Variants in ADCY10 observed in about 807,000 individuals in gnomAD.
The protein encoded by ADCY10 is adenylate cyclase type 10.
In ADCY10, 156 loss-of-function variants were observed where a neutral mutation model predicts 183.3. The observed-to-expected ratio is 0.85, with a 90% CI of 0.75 to 0.97. The LOEUF (loss-of-function observed/expected upper bound fraction) is 0.97, where lower values mean the gene tolerates loss of function less well. Ranked by LOEUF, ADCY10 falls within the 50% of genes least tolerant of loss-of-function variation. The probability of loss-of-function intolerance (pLI) is 0.00; values close to 1 mark genes in which losing one functional copy is unlikely to be tolerated. For missense variants in ADCY10, 1,745 were observed against 1,934.3 expected, an observed-to-expected ratio of 0.90 and a Z score of 1.84; for synonymous variants, 645 against 670.0, an observed-to-expected ratio of 0.96 and a Z score of 0.58.
chr1:167,886,025 C>T (rs1042125870), intron 8 of ADCY10, among the ~76,000 whole-genome samples: 3 of 152,068 alleles, frequency 2.0e-5, no homozygotes, highest in African/African-American at 4.8e-5. Flanking sequence ...GAACTACAAA[C>T]CACTGCTCAA....
intron 21 of ADCY10, among the ~76,000 whole-genome samples, chr1:167,841,017 T>C (rs972782244): frequency 6.6e-6 from 1 of 151,442 alleles, no homozygotes; most frequent in Non-Finnish European, 1.5e-5. Context: ...CATAGCTCAC[T>C]GCAGCCTCAA....
Position 167,845,546 on chromosome 1 carries a change from A to G in ADCY10, c.3007+17T>C. ...TCCCAAGAACAGTTAGGATAATTTT[A>G]AAATGAAGTAGGTTACTTTTAAATC... On this transcript the variant is annotated intron_variant, in intron 21 of 32. Transcript: ENST00000367851. 1 of 1,613,284 alleles carries G rather than the reference A, an allele frequency of 6.2e-7. No homozygotes were observed. Among genetic ancestry groups the G allele is most frequent in the Non-Finnish European group, 8.5e-7 (1 of 1,179,240 alleles).
At chr1:167,874,771 C>G (rs905452771) in intron 13 of ADCY10, among the ~76,000 whole-genome samples, 2 of 152,080 alleles carry the variant, frequency 1.3e-5, no homozygotes, top group African/African-American at 4.8e-5. Context: ...AAATGGAATA[C>G]TACATAGTAA....
rs763822736 is a variant in ADCY10 at position 167,846,176 on chromosome 1, G to C, written c.2525C>G (p.Thr842Ser). Residue 842 changes from threonine (T) to serine (S), a missense_variant, in exon 20 of 33, where the codon ACT becomes AGT. Physicochemically the swap from Thr to Ser is moderately conservative, Grantham distance 58 (BLOSUM62 1). Transcript: ENST00000367851. ...CAAIIGLTFT[T>S]ELLFEILPCW... is the part of the protein sequence containing the mutation. ...GGGGAGAATCTCAAACAACAACTCA[G>C]TGGTGAAGGTCAGGCCAATGATGGC... 9.9e-6 allele frequency: 16 copies of C among 1,614,228 alleles called. No individual in the cohort carries two copies. The highest frequency in any genetic ancestry group is 1.4e-5 in the Non-Finnish European group (16 of 1,180,050).
Position 167,845,722 on chromosome 1 carries a change from G to A in ADCY10, c.2848C>T (p.His950Tyr). 6.2e-7 allele frequency: 1 copy of A among 1,614,228 alleles called. No individual in the cohort carries two copies. Among genetic ancestry groups the A allele is most frequent in the Non-Finnish European group, 8.5e-7 (1 of 1,180,046 alleles). Residue 950 changes from histidine to tyrosine, a missense_variant, in exon 21 of 33, where the codon CAC (histidine) becomes TAC (tyrosine). Coordinates refer to ENST00000367851, the MANE Select transcript of ADCY10 (RefSeq NM_018417.6). ...LWLKDQRKAM[H>Y]LKCARFLEED... The stretch of plus-strand genomic sequence containing the variant: ...TCTAAAAAGCGGGCACATTTCAAGT[G>A]CATGGCTTTTCTCTGGTCCTTGAGC...
chr1:167,856,033 T>A (rs1481560285), intron 17 of ADCY10, 132 bp downstream of exon 17: 67 of 1,048,392 alleles, frequency 6.4e-5, no homozygotes, highest in South Asian at 5.7e-4. Flanking sequence ...AAAAGAAAAA[T>A]TTTTTAAAAG....
chr1:167,868,161 C>A (rs1289767086), intron 14 of ADCY10, among the ~76,000 whole-genome samples: 1 of 152,124 alleles, frequency 6.6e-6, no homozygotes, highest in African/African-American at 2.4e-5. Context: ...CCAGGAAAAA[C>A]CAGAAATTTG....
At chr1:167,834,948 G>A (rs964469851) in intron 23 of ADCY10, among the ~76,000 whole-genome samples, 4 of 152,144 alleles carry the variant, frequency 2.6e-5, no homozygotes, top group Non-Finnish European at 4.4e-5. Flanking sequence ...TCATCACCTC[G>A]AATATGTGCA....
intron 24 of ADCY10, 150 bp from the exon 25 acceptor site, chr1:167,833,312 G>A: frequency 1.3e-6 from 1 of 757,226 alleles, no homozygotes; most frequent in South Asian, 1.6e-5. Context: ...TGGCATAATA[G>A]AAAATGTCTA....
rs1407067328 is a variant in ADCY10 at position 167,809,457 on chromosome 1, T to C, written c.*221A>G. ...ATAAACAGGTCAAGCTAAAACAACA[T>C]GAATGGTAAAAGCAATTTTTTGTAA... On this transcript the variant is annotated 3_prime_UTR_variant, in exon 33 of 33. Coordinates refer to ENST00000367851, the MANE Select transcript of ADCY10 (RefSeq NM_018417.6). 6 of 556,726 alleles carry C rather than the reference T, an allele frequency of 1.1e-5. No individual in the cohort carries two copies. The highest frequency in any genetic ancestry group is 1.9e-5 in the Non-Finnish European group (6 of 314,026). The allele number at this position is 556,726 out of a possible 1,614,324, so 34.5% of individuals were successfully genotyped here. A position where few individuals can be genotyped will look rare whatever the true frequency, so the allele number is the denominator to read the frequency against.
chr1:167,887,641 A>T (rs1571409231), intron 8 of ADCY10, among the ~76,000 whole-genome samples: 1 of 152,156 alleles, frequency 6.6e-6, no homozygotes. Flanking sequence ...ACATGTATAC[A>T]TAACGTAACA....
In ADCY10 at chr1:167,836,465, G is replaced by A. The variant is rs1664204212; in HGVS notation, c.3153C>T (p.Asp1051=). 1.9e-6 allele frequency: 3 copies of A among 1,614,146 alleles called. No homozygotes were observed. Among genetic ancestry groups the A allele is most frequent in the Non-Finnish European group, 2.5e-6 (3 of 1,179,964 alleles). The change falls in exon 23 of 33, where the codon GAC becomes GAT. Residue 1051 remains aspartate, a synonymous_variant. Coordinates refer to ENST00000367851, the MANE Select transcript of ADCY10 (RefSeq NM_018417.6). ...ACTGGCAAGATTCCAGAGGGATAATGTCTTCGTCAGATGTCTTCATTTTTG... is the reference window on the plus strand; with the variant it reads ...ACTGGCAAGATTCCAGAGGGATAATATCTTCGTCAGATGTCTTCATTTTTG... The part of the protein sequence containing the change: ...VLTKMKTSDE[D]IIPLESCQCE...
intron 21 of ADCY10, among the ~76,000 whole-genome samples, chr1:167,841,037 C>T (rs1246852752): frequency 6.6e-6 from 1 of 151,456 alleles, no homozygotes; most frequent in Non-Finnish European, 1.5e-5. Flanking sequence ...ACCTCCCTGG[C>T]TCAAATGATC....
At chr1:167,881,136 C>T (rs150364570) in intron 9 of ADCY10, among the ~76,000 whole-genome samples, 5 of 152,258 alleles carry the variant, frequency 3.3e-5, no homozygotes, top group Admixed American at 3.3e-4. Context: ...AAAAGTCATC[C>T]TAAACTATAA....
At chr1:167,909,837 G>C (rs1350652271) in intron 1 of ADCY10, among the ~76,000 whole-genome samples, 2 of 152,114 alleles carry the variant, frequency 1.3e-5, no homozygotes, top group African/African-American at 2.4e-5. Context: ...TGAGGAGACA[G>C]GCCATTTCTC....
chr1:167,880,944 T>C (rs1667833459), intron 9 of ADCY10, among the ~76,000 whole-genome samples: 1 of 152,080 alleles, frequency 6.6e-6, no homozygotes, highest in Non-Finnish European at 1.5e-5. Flanking sequence ...CACAGAGCAG[T>C]GGAAAAGGCA....
At chr1:167,851,808 G>A (rs1408095136) in intron 18 of ADCY10, among the ~76,000 whole-genome samples, 1 of 131,244 alleles carries the variant, frequency 7.6e-6, no homozygotes. Context: ...GGGCGACAGA[G>A]TGTCTCAAAA....
rs1187125064 is a variant in ADCY10, at chr1:167,914,074, C to G, written c.-157G>C. 1 of 152,272 alleles carries G rather than the reference C, an allele frequency of 6.6e-6. No individual in the cohort carries two copies. Among genetic ancestry groups the G allele is most frequent in the Non-Finnish European group, 1.5e-5 (1 of 68,102 alleles). 9.4% of individuals were successfully genotyped at this position (152,272 alleles called of 1,614,324 possible). A position where few individuals can be genotyped will look rare whatever the true frequency, so the allele number is the denominator to read the frequency against. On this transcript the variant is annotated 5_prime_UTR_variant, in exon 1 of 33. Transcript: ENST00000367851. ...GGAGAGGAGGCCGGGTGACATTATT[C>G]TGAAGACAGCTGAAGCGCCATGTCT... is the stretch of plus-strand genomic sequence containing the variant.
At position 167,899,733 on chromosome 1, in the gene ADCY10, A is replaced by G. The variant is rs1389421285; in HGVS notation, c.437-105T>C. On this transcript the variant is annotated intron_variant, in intron 5 of 32. Transcript: ENST00000367851. ...AATCTTGGTGGGACTATACTATCTC[A>G]GAGCAAAATCTCACTTCTAAAACTT... is the stretch of plus-strand genomic sequence containing the variant. The G allele has an allele frequency of 8.5e-6, 9 of 1,062,674 alleles. No individual in the cohort carries two copies. In the African/African-American group the frequency reaches 9.4e-5, roughly 11 times the overall value. The allele number at this position is 1,062,674 out of a possible 1,614,324, so 65.8% of individuals were successfully genotyped here. A position where few individuals can be genotyped will look rare whatever the true frequency, so the allele number is the denominator to read the frequency against.
Sources: gnomAD v4.1 joint callset for allele counts (sites outside exome capture counted in the v4.1 genomes callset) on GRCh38, gnomAD v4.1.1 for gene constraint, MANE v1.5 for transcripts, NCBI Gene and HGNC (gene_info 2026-07-23, HGNC 2026-07-21) for gene names.